Variants in ADAMTS12 observed in about 807,000 individuals in gnomAD.
The protein encoded by ADAMTS12 is A disintegrin and metalloproteinase with thrombospondin motifs 12.
In ADAMTS12, 118 loss-of-function variants were observed where a neutral mutation model predicts 167.8. The ratio of observed to expected loss-of-function variants is 0.70; its 90% CI spans 0.61 to 0.82. The LOEUF is 0.82. ADAMTS12 is among the 40% of genes least tolerant of loss of function. The pLI is 0.00. For missense variants in ADAMTS12, 1,916 were observed against 1,998.8 expected (o/e 0.96, Z 0.79); for synonymous variants, 704 against 716.9 (o/e 0.98, Z 0.29).
chr5:33,797,088 C>T (rs1316230547), intron 2 of ADAMTS12, among the ~76,000 whole-genome samples: 1 of 152,170 alleles, frequency 6.6e-6, no homozygotes, highest in Non-Finnish European at 1.5e-5. Context: ...TCTCTAAATC[C>T]AGGCATGAAA....
intron 2 of ADAMTS12, among the ~76,000 whole-genome samples, chr5:33,780,562 G>C (rs572900286): frequency 6.6e-6 from 1 of 152,212 alleles, no homozygotes; most frequent in Non-Finnish European, 1.5e-5. Context: ...AGCTAAGGTG[G>C]TTCAGGTAGA....
chr5:33,770,976 C>T (rs1745717457), intron 2 of ADAMTS12, among the ~76,000 whole-genome samples: 1 of 152,106 alleles, frequency 6.6e-6, no homozygotes, highest in South Asian at 2.1e-4. Context: ...GAGATGTGAG[C>T]CACTGTTCCT....
rs1347401745 is a variant in ADAMTS12, at chr5:33,858,668, AAAG to A, written c.489+22448_489+22450del. On this transcript the variant is annotated intron_variant, in intron 2 of 23. Transcript: ENST00000504830. ...GCAAGACATCATCTCAAAAAAAAAA[AAAG>A]AAAAGAAAAAAGAAATTGCCAACAA... is the stretch of plus-strand genomic sequence containing the variant. Among the ~76,000 whole-genome samples the A allele has an allele frequency of 4.1e-3, 607 of 147,554 alleles. 9 individuals are homozygous for A. Among genetic ancestry groups the A allele is most frequent in the African/African-American group, 0.015 (571 of 38,884 alleles).
intron 7 of ADAMTS12, among the ~76,000 whole-genome samples, chr5:33,651,701 A>G (rs1740873152): frequency 6.6e-6 from 1 of 152,128 alleles, no homozygotes; most frequent in Non-Finnish European, 1.5e-5. Flanking sequence ...ACATAGATAC[A>G]TTGCATAACA....
At chr5:33,864,947 C>T (rs558471306) in intron 2 of ADAMTS12, among the ~76,000 whole-genome samples, 1 of 151,974 alleles carries the variant, frequency 6.6e-6, no homozygotes, top group East Asian at 1.9e-4. Flanking sequence ...ATGTAACAAA[C>T]CTGCACATTC....
intron 2 of ADAMTS12, among the ~76,000 whole-genome samples, chr5:33,778,524 G>A (rs934624348): frequency 3.3e-5 from 5 of 152,052 alleles, no homozygotes; most frequent in Admixed American, 6.6e-5. Context: ...AAATTAACTC[G>A]AAATGGATTA....
intron 20 of ADAMTS12, among the ~76,000 whole-genome samples, chr5:33,550,807 C>T (rs2111838731): frequency 6.6e-6 from 1 of 152,300 alleles, no homozygotes; most frequent in South Asian, 2.1e-4. Flanking sequence ...CTGCCCTGCC[C>T]TGTTCCGCAT....
intron 16 of ADAMTS12, among the ~76,000 whole-genome samples, chr5:33,598,516 C>T (rs1424511432): frequency 6.6e-6 from 1 of 152,152 alleles, no homozygotes; most frequent in Non-Finnish European, 1.5e-5. Flanking sequence ...GATATTCATG[C>T]TGTTGGAGGG....
chr5:33,880,610 T>G (rs1000170184), intron 2 of ADAMTS12, among the ~76,000 whole-genome samples: 1 of 152,268 alleles, frequency 6.6e-6, no homozygotes, highest in African/African-American at 2.4e-5. Context: ...TTATCTCCAT[T>G]TTATAGATGA....
At chr5:33,840,287 G>C (rs1192494626) in intron 2 of ADAMTS12, 1 of 152,098 alleles carries the variant, frequency 6.6e-6, no homozygotes, top group Admixed American at 6.5e-5. Context: ...TGAGCTCTAG[G>C]GTCTCACTGT....
intron 9 of ADAMTS12, 86 bp downstream of exon 9, chr5:33,648,736 A>G (rs1281146557): frequency 7.7e-6 from 8 of 1,042,014 alleles, no homozygotes; most frequent in Non-Finnish European, 1.1e-5. Flanking sequence ...CTGGATGTTC[A>G]GTTATTTCCA....
chr5:33,552,416 C>T (rs999275078), intron 20 of ADAMTS12, among the ~76,000 whole-genome samples: 7 of 152,236 alleles, frequency 4.6e-5, no homozygotes, highest in African/African-American at 1.2e-4. Flanking sequence ...GATGATTAAA[C>T]TATCCCAGCA....
intron 2 of ADAMTS12, among the ~76,000 whole-genome samples, chr5:33,862,504 A>G (rs1749656403): frequency 6.6e-6 from 1 of 152,220 alleles, no homozygotes; most frequent in South Asian, 2.1e-4. Flanking sequence ...AAGAAGTCAA[A>G]TCCCTGAATA....
intron 2 of ADAMTS12, among the ~76,000 whole-genome samples, chr5:33,870,318 G>C (rs900650238): frequency 6.6e-6 from 1 of 152,180 alleles, no homozygotes; most frequent in Non-Finnish European, 1.5e-5. Context: ...ACTATTGACT[G>C]GGGAAGTGAT....
intron 5 of ADAMTS12, among the ~76,000 whole-genome samples, chr5:33,679,636 A>C (rs1457015618): frequency 2.6e-5 from 4 of 152,190 alleles, no homozygotes; most frequent in Non-Finnish European, 5.9e-5. Flanking sequence ...TAGACATCCA[A>C]GTACCCTTTC....
At chr5:33,586,479 T>C (rs1747358690) in intron 18 of ADAMTS12, among the ~76,000 whole-genome samples, 1 of 152,254 alleles carries the variant, frequency 6.6e-6, no homozygotes, top group African/African-American at 2.4e-5. Context: ...GGCCTACATA[T>C]GGAATCACAG....
chr5:33,623,255 C>T (rs1226266659), intron 14 of ADAMTS12, among the ~76,000 whole-genome samples: 1 of 152,200 alleles, frequency 6.6e-6, no homozygotes, highest in East Asian at 1.9e-4. Flanking sequence ...CTGCCCCTCT[C>T]CCCTCAGGCC....
At chr5:33,705,221 A>C (rs1226731250) in intron 3 of ADAMTS12, among the ~76,000 whole-genome samples, 1 of 151,802 alleles carries the variant, frequency 6.6e-6, no homozygotes, top group Non-Finnish European at 1.5e-5. Flanking sequence ...AGGTTGCTGC[A>C]AATGCCATTA....
At chr5:33,880,974 C>G (rs1750413328) in intron 2 of ADAMTS12, 145 bp downstream of exon 2, 1 of 1,245,606 alleles carries the variant, frequency 8.0e-7, no homozygotes, top group Admixed American at 2.4e-5. Flanking sequence ...ACTTTCTCGC[C>G]AACCACTTTG....
Sources: gnomAD v4.1 joint callset for allele counts (sites outside exome capture counted in the v4.1 genomes callset) on GRCh38, gnomAD v4.1.1 for gene constraint, MANE v1.5 for transcripts, NCBI Gene and HGNC (gene_info 2026-07-23, HGNC 2026-07-21) for gene names.